Variants in CHRNA7 observed in about 807,000 individuals in gnomAD.
CHRNA7 encodes cholinergic receptor nicotinic alpha 7 subunit, also known as neuronal acetylcholine receptor subunit alpha-7.
Under a neutral mutation model 48.0 loss-of-function variants are expected in CHRNA7, and 17 were observed. The ratio of observed to expected loss-of-function variants is 0.35; its 90% CI spans 0.24 to 0.53. The LOEUF is 0.53. Ranked by LOEUF, CHRNA7 falls within the 20% of genes least tolerant of loss-of-function variation. The pLI, the probability that CHRNA7 is intolerant of heterozygous loss-of-function variation, is 0.92. For missense variants in CHRNA7, 155 were observed against 577.7 expected, an observed-to-expected ratio of 0.27 and a Z score of 7.50; for synonymous variants, 75 against 242.3, an observed-to-expected ratio of 0.31 and a Z score of 6.41.
intron 2 of CHRNA7, among the ~76,000 whole-genome samples, chr15:32,053,906 C>T (rs530565234): frequency 3.9e-5 from 6 of 152,124 alleles, no homozygotes; most frequent in East Asian, 3.9e-4. Context: ...TGGCAGTGGA[C>T]GAGGAGTAGG....
At chr15:32,048,154 C>T (rs1387546535) in intron 2 of CHRNA7, among the ~76,000 whole-genome samples, 4 of 152,132 alleles carry the variant, frequency 2.6e-5, no homozygotes. Context: ...TGTCTCTGCT[C>T]AGCTTTGGTA....
rs1311578242 is a variant in CHRNA7 at position 32,165,937 on chromosome 15, T to C, written c.991-2003T>C. On this transcript the variant is annotated intron_variant, in intron 9 of 9. Coordinates refer to ENST00000306901, the MANE Select transcript of CHRNA7 (RefSeq NM_000746.6). The stretch of plus-strand genomic sequence containing the variant: ...ACTGGGGGACGTGTAGACCCTGCCA[T>C]GGAGGGAGAAGTGCCTGGTGCTGCT... 3 of 151,388 alleles carry C rather than the reference T, an allele frequency of 2.0e-5. No individual in the cohort carries two copies. The East Asian group carries it at 5.8e-4, about 29-fold the overall frequency. 9.4% of individuals were successfully genotyped at this position (151,388 alleles called of 1,614,324 possible). A position where few individuals can be genotyped will look rare whatever the true frequency, so the allele number is the denominator to read the frequency against.
intron 4 of CHRNA7, among the ~76,000 whole-genome samples, chr15:32,148,944 C>G (rs1030932513): frequency 3.9e-5 from 6 of 152,288 alleles, no homozygotes; most frequent in Admixed American, 3.9e-4. Flanking sequence ...CCTCCTCCTA[C>G]CCCCGCTAAG....
intron 4 of CHRNA7, among the ~76,000 whole-genome samples, chr15:32,117,828 C>T (rs749105250): frequency 5.9e-5 from 9 of 152,094 alleles, no homozygotes; most frequent in African/African-American, 4.8e-5. Context: ...TCAGCCTAAC[C>T]GAGATTGGCC....
intron 2 of CHRNA7, among the ~76,000 whole-genome samples, chr15:32,084,634 GT>G (rs1285216913): frequency 6.6e-6 from 1 of 152,200 alleles, no homozygotes; most frequent in Non-Finnish European, 1.5e-5. Context: ...ATCACCAGTG[GT>G]GGACATTTTG....
At chr15:32,064,804 T>C (rs554033898) in intron 2 of CHRNA7, among the ~76,000 whole-genome samples, 1 of 152,312 alleles carries the variant, frequency 6.6e-6, no homozygotes, top group South Asian at 2.1e-4. Context: ...GCTCTTGCTT[T>C]ACCTATGCTC....
chr15:32,087,078 C>T (rs1358494564), intron 2 of CHRNA7, among the ~76,000 whole-genome samples: 1 of 152,130 alleles, frequency 6.6e-6, no homozygotes, highest in African/African-American at 2.4e-5. Flanking sequence ...TGTTTCACCT[C>T]CATGAAGGCA....
intron 4 of CHRNA7, among the ~76,000 whole-genome samples, chr15:32,151,678 C>T (rs758679389): frequency 6.6e-6 from 1 of 152,188 alleles, no homozygotes; most frequent in Non-Finnish European, 1.5e-5. Context: ...TTTCATAAAT[C>T]ATACCTTTAA....
At chr15:32,151,318 T>C (rs557455820) in intron 4 of CHRNA7, among the ~76,000 whole-genome samples, 1 of 152,298 alleles carries the variant, frequency 6.6e-6, no homozygotes, top group South Asian at 2.1e-4. Context: ...AGTCATCCTC[T>C]AAATCTCTTT....
intron 2 of CHRNA7, among the ~76,000 whole-genome samples, chr15:32,046,867 C>T (rs1308605680): frequency 2.0e-5 from 3 of 151,836 alleles, no homozygotes; most frequent in Non-Finnish European, 4.4e-5. Flanking sequence ...GGAAGGGATC[C>T]AGTTTCAGCT....
intron 3 of CHRNA7, among the ~76,000 whole-genome samples, chr15:32,104,437 C>G (rs955392161): frequency 6.6e-6 from 1 of 152,228 alleles, no homozygotes; most frequent in Non-Finnish European, 1.5e-5. Context: ...CTCCCCTCCA[C>G]CTCCAGCCCA....
At position 32,146,097 on chromosome 15, in the gene CHRNA7, C is replaced by T. The variant is rs2051483254; in HGVS notation, c.351-7810C>T. ...AACTAAAATATCAGCATAACAAAGT[C>T]TAGCAATAAGTTAAAAATAAATCCT... On this transcript the variant is annotated intron_variant, in intron 4 of 9. Transcript: ENST00000306901. Among the ~76,000 whole-genome samples the T allele has an allele frequency of 2.0e-5, 3 of 152,314 alleles. No homozygotes were observed. The South Asian group carries it at 6.2e-4, about 32-fold the overall frequency.
intron 2 of CHRNA7, among the ~76,000 whole-genome samples, chr15:32,096,411 C>T (rs1398614039): frequency 6.6e-6 from 1 of 152,032 alleles, no homozygotes; most frequent in African/African-American, 2.4e-5. Context: ...TACTATCTTG[C>T]TGACTCAGGG....
chr15:32,087,828 G>A lies in CHRNA7; in HGVS notation c.196-13475G>A, dbSNP rs555618415. 2.7e-3 allele frequency among the ~76,000 whole-genome samples: 407 copies of A among 152,288 alleles called. 2 individuals are homozygous for A. Among genetic ancestry groups the A allele is most frequent in the Non-Finnish European group, 5.0e-3 (338 of 68,014 alleles). On this transcript the variant is annotated intron_variant, in intron 2 of 9. Coordinates refer to ENST00000306901, the MANE Select transcript of CHRNA7 (RefSeq NM_000746.6). ...CTTGCAGAATACACCCAGTTTCAAA[G>A]TTACTTAGACCAGCACCTTTTTCTC...
Position 32,030,965 on chromosome 15 carries a change from G to C in CHRNA7, c.123G>C (p.Glu41Asp). Residue 41 changes from glutamate to aspartate, a missense_variant, in exon 2 of 10, where the codon GAG becomes GAC. Glu to Asp is a conservative substitution (Grantham distance 45). Coordinates refer to ENST00000306901, the MANE Select transcript of CHRNA7 (RefSeq NM_000746.6). ...KELVKNYNPL[E>D]RPVANDSQPL... ...TGGTCAAGAACTACAATCCCTTGGA[G>C]AGGCCCGTGGCCAATGACTCGCAAC... The C allele has an allele frequency of 1.2e-6, 2 of 1,614,216 alleles. No homozygotes were observed. Among genetic ancestry groups the C allele is most frequent in the Admixed American group, 1.7e-5 (1 of 60,032 alleles).
At chr15:32,056,437 GGTT>G (rs1198656957) in intron 2 of CHRNA7, among the ~76,000 whole-genome samples, 1 of 152,116 alleles carries the variant, frequency 6.6e-6, no homozygotes, top group Non-Finnish European at 1.5e-5. Flanking sequence ...GTTGTGAAAG[GGTT>G]GTTAGTGGAA....
intron 4 of CHRNA7, among the ~76,000 whole-genome samples, chr15:32,134,678 CTT>C (rs1157557260): frequency 1.3e-5 from 2 of 152,168 alleles, no homozygotes; most frequent in Admixed American, 6.5e-5. Flanking sequence ...GGTTTGGACT[CTT>C]AAACACTTAA....
intron 2 of CHRNA7, among the ~76,000 whole-genome samples, chr15:32,033,889 A>G (rs933753728): frequency 2.6e-5 from 4 of 152,228 alleles, no homozygotes; most frequent in Non-Finnish European, 2.9e-5. Flanking sequence ...CTGGAGTGAT[A>G]GGAAGACACC....
intron 1 of CHRNA7, 54 bp from the exon 2 acceptor site, chr15:32,030,844 G>T (rs986989893): frequency 6.3e-7 from 1 of 1,587,558 alleles, no homozygotes; most frequent in Non-Finnish European, 8.6e-7. Flanking sequence ...AGGGAGTCGG[G>T]GGTACCCCCG....
Sources: allele counts gnomAD v4.1 joint callset (sites outside exome capture counted in the v4.1 genomes callset), GRCh38; gene constraint gnomAD v4.1.1; transcripts MANE v1.5; gene names NCBI Gene and HGNC (gene_info 2026-07-23, HGNC 2026-07-21).